Variants in PIEZO2 observed in about 807,000 individuals in gnomAD.
The protein encoded by PIEZO2 is piezo-type mechanosensitive ion channel component 2.
In PIEZO2, 172 loss-of-function variants were observed where a neutral mutation model predicts 337.3. That is an observed-to-expected ratio of 0.51 (90% CI 0.45 to 0.58). PIEZO2 has a LOEUF of 0.58. Ranked by LOEUF, PIEZO2 falls within the 20% of genes least tolerant of loss-of-function variation. The pLI is 0.00. For missense variants in PIEZO2, 3,028 were observed against 3,391.3 expected (o/e 0.89, Z 2.66); for synonymous variants, 1,251 against 1,228.5 (o/e 1.02, Z -0.38).
intron 3 of PIEZO2, among the ~76,000 whole-genome samples, chr18:10,911,762 CA>C (rs59833031): frequency 0.93 from 140,671 of 151,564 alleles, 65,336 homozygotes; most frequent in East Asian, 1. Context: ...CTTGAAAAAA[CA>C]AAACAAAACA....
At position 10,904,840 on chromosome 18, in the gene PIEZO2, T is replaced by A. The variant is rs111337410; in HGVS notation, c.329+6346A>T. Among the ~76,000 whole-genome samples, 125 of 152,346 alleles carry A rather than the reference T, an allele frequency of 8.2e-4. 1 individual carries two copies. The highest frequency in any genetic ancestry group is 3.0e-3 in the African/African-American group (124 of 41,578). On this transcript the variant is annotated intron_variant, in intron 4 of 55. Coordinates refer to ENST00000674853, the MANE Select transcript of PIEZO2 (RefSeq NM_001378183.1). ...CCAGCATAACTCAGTAGAATCTGAC[T>A]CTGGAAGTTGTGGGAATTCAATAAA...
intron 18 of PIEZO2, among the ~76,000 whole-genome samples, chr18:10,777,197 T>C (rs1472152615): frequency 6.6e-6 from 1 of 152,240 alleles, no homozygotes; most frequent in African/African-American, 2.4e-5. Context: ...GTTTCCTTGC[T>C]CTTATTCAGG....
intron 3 of PIEZO2, among the ~76,000 whole-genome samples, chr18:10,925,647 T>C (rs1478086146): frequency 6.6e-6 from 1 of 152,202 alleles, no homozygotes; most frequent in East Asian, 1.9e-4. Flanking sequence ...TGGCTCAATC[T>C]CAGCTCACTG....
At chr18:11,088,957 T>A (rs953221956) in intron 1 of PIEZO2, among the ~76,000 whole-genome samples, 1 of 152,232 alleles carries the variant, frequency 6.6e-6, no homozygotes, top group Non-Finnish European at 1.5e-5. Context: ...ATTAGCCAGG[T>A]AACCATGCAA....
chr18:10,714,962 A>C, intron 38 of PIEZO2, 32 bp from the exon 39 acceptor site: 1 of 1,533,118 alleles, frequency 6.5e-7, no homozygotes, highest in Non-Finnish European at 8.7e-7. Context: ...CACAGTTCTT[A>C]TGGAGGCATC....
intron 1 of PIEZO2, among the ~76,000 whole-genome samples, chr18:11,115,154 T>C (rs2039853105): frequency 6.6e-6 from 1 of 152,232 alleles, no homozygotes; most frequent in African/African-American, 2.4e-5. Context: ...AGTTTGGTTA[T>C]AGACAGTTAA....
chr18:11,065,707 T>C (rs2625362), intron 2 of PIEZO2, among the ~76,000 whole-genome samples: 116,264 of 152,142 alleles, frequency 0.76, 45,566 homozygotes, highest in East Asian at 0.99. Flanking sequence ...CCCATTCTCC[T>C]GTAAATGGCT....
intron 4 of PIEZO2, among the ~76,000 whole-genome samples, chr18:10,889,488 C>T (rs77409934): frequency 0.071 from 10,868 of 152,192 alleles, 396 homozygotes; most frequent in South Asian, 0.096. Flanking sequence ...AGTATTTAGA[C>T]TATGTTTTTG....
rs1166705894 is a variant in PIEZO2 at position 10,833,042 on chromosome 18, G to C, written c.917+22311C>G. Among the ~76,000 whole-genome samples, 1 of 152,204 alleles carries C rather than the reference G, an allele frequency of 6.6e-6. No individual in the cohort carries two copies. The highest frequency in any genetic ancestry group is 2.1e-4 in the South Asian group (1 of 4,832). On this transcript the variant is annotated intron_variant, in intron 7 of 55. Transcript: ENST00000674853. The surrounding 1 kb of genome is among the most constrained non-coding windows in gnomAD (Gnocchi z 4.7). ...CTGGAGGCTCTGAGGGATGTGGAAG[G>C]TATTTCTCCAGAATATGCCTTGCTG...
chr18:10,703,604 G>C (rs977765275), intron 42 of PIEZO2, among the ~76,000 whole-genome samples: 5 of 152,104 alleles, frequency 3.3e-5, no homozygotes, highest in African/African-American at 1.2e-4. Flanking sequence ...TTACAAGTCA[G>C]GGAAGAAAAT....
At chr18:10,774,390 T>G (rs2038714324) in intron 18 of PIEZO2, among the ~76,000 whole-genome samples, 1 of 152,222 alleles carries the variant, frequency 6.6e-6, no homozygotes, top group Non-Finnish European at 1.5e-5. Flanking sequence ...AAAAATTTCT[T>G]GAAAGAATGT....
In PIEZO2 at chr18:11,027,432, T is replaced by C. The variant is rs2036578095; in HGVS notation, c.160+38695A>G. 6.6e-6 allele frequency among the ~76,000 whole-genome samples: 1 copy of C among 152,078 alleles called. No individual in the cohort carries two copies. Among genetic ancestry groups the C allele is most frequent in the Non-Finnish European group, 1.5e-5 (1 of 68,014 alleles). ...TGCGCTAGGAATAAGGTACAAGAGGTTAAAAAGAAAGCAATCAAATTGACA... is the reference window on the plus strand; with the variant it reads ...TGCGCTAGGAATAAGGTACAAGAGGCTAAAAAGAAAGCAATCAAATTGACA... On this transcript the variant is annotated intron_variant, in intron 2 of 55. Transcript: ENST00000674853. This position sits in a 1 kb window ranked among gnomAD's most constrained non-coding sequence, Gnocchi z 4.2.
chr18:10,726,273 G>T lies in PIEZO2; in HGVS notation c.5029+5134C>A. 1.2e-6 allele frequency: 1 copy of T among 844,006 alleles called. No individual in the cohort carries two copies. Among genetic ancestry groups the T allele is most frequent in the South Asian group, 1.5e-5 (1 of 66,240 alleles). The allele number at this position is 844,006 out of a possible 1,614,324, so 52.3% of individuals were successfully genotyped here. A position where few individuals can be genotyped will look rare whatever the true frequency, so the allele number is the denominator to read the frequency against. On this transcript the variant is annotated intron_variant, in intron 36 of 55. Coordinates refer to ENST00000674853, the MANE Select transcript of PIEZO2 (RefSeq NM_001378183.1). The surrounding 1 kb of genome is among the most constrained non-coding windows in gnomAD (Gnocchi z 5.9). ...TGCGAGCCTGTGTTCGGGAGCATGAGAATGGAAGCGTCGCGGCCAGAGCCC... is the reference window on the plus strand; with the variant it reads ...TGCGAGCCTGTGTTCGGGAGCATGATAATGGAAGCGTCGCGGCCAGAGCCC...
At position 11,126,917 on chromosome 18, in the gene PIEZO2, C is replaced by T. The variant is rs774363272; in HGVS notation, c.64+21608G>A. 1.3e-5 allele frequency among the ~76,000 whole-genome samples: 2 copies of T among 152,104 alleles called. No individual in the cohort carries two copies. Among genetic ancestry groups the T allele is most frequent in the Non-Finnish European group, 2.9e-5 (2 of 68,030 alleles). ...GAACACACTGGTGTCATTTCCATTGCTGTTGTGTGAACATTTAAGGCAATG... is the reference window on the plus strand; with the variant it reads ...GAACACACTGGTGTCATTTCCATTGTTGTTGTGTGAACATTTAAGGCAATG... On this transcript the variant is annotated intron_variant, in intron 1 of 55. Transcript: ENST00000674853. This position sits in a 1 kb window ranked among gnomAD's most constrained non-coding sequence, Gnocchi z 4.6.
chr18:10,696,651 G>T, intron 45 of PIEZO2, 112 bp from the exon 46 acceptor site: 1 of 1,239,542 alleles, frequency 8.1e-7, no homozygotes, highest in Non-Finnish European at 1.1e-6. Context: ...TTTCCAGTCA[G>T]GTCCCACCTT....
chr18:10,696,648 T>A, intron 45 of PIEZO2, 109 bp from the exon 46 acceptor site: 1 of 1,289,500 alleles, frequency 7.8e-7, no homozygotes, highest in Non-Finnish European at 1.1e-6. Flanking sequence ...CTCTTTCCAG[T>A]CAGGTCCCAC....
At chr18:11,137,657 G>T (rs531223347) in intron 1 of PIEZO2, among the ~76,000 whole-genome samples, 46 of 152,130 alleles carry the variant, frequency 3.0e-4, no homozygotes, top group African/African-American at 1.1e-3. Context: ...TGCCCGGCAG[G>T]GACAGTCCAG....
At chr18:10,749,009 C>T (rs1242019788) in intron 29 of PIEZO2, among the ~76,000 whole-genome samples, 4 of 152,090 alleles carry the variant, frequency 2.6e-5, no homozygotes, top group Non-Finnish European at 5.9e-5. Context: ...TGGGAATGGG[C>T]TATACCCAGG....
At chr18:11,044,689 G>C (rs923839548) in intron 2 of PIEZO2, among the ~76,000 whole-genome samples, 1 of 152,112 alleles carries the variant, frequency 6.6e-6, no homozygotes, top group Non-Finnish European at 1.5e-5. Context: ...GTTGATTCTT[G>C]TTATTCATGG....
Sources: allele counts gnomAD v4.1 joint callset (sites outside exome capture counted in the v4.1 genomes callset), GRCh38; gene constraint gnomAD v4.1.1; non-coding constraint Gnocchi (gnomAD v3.1); transcripts MANE v1.5; gene names NCBI Gene and HGNC (gene_info 2026-07-23, HGNC 2026-07-21).